CLEC17A: variants seen among roughly 807,000 people sequenced by gnomAD.
CLEC17A encodes the protein C-type lectin domain family 17, member A.
In CLEC17A, 37 loss-of-function variants were observed where a neutral mutation model predicts 61.3. That is an observed-to-expected ratio of 0.60 (90% CI 0.46 to 0.79). The LOEUF (loss-of-function observed/expected upper bound fraction) is 0.79. Ranked by LOEUF, CLEC17A falls within the 30% of genes least tolerant of loss-of-function variation. The probability of loss-of-function intolerance (pLI) is 0.00; values close to 1 mark genes in which losing one functional copy is unlikely to be tolerated. For synonymous variants in CLEC17A, 168 were observed against 164.9 expected, an observed-to-expected ratio of 1.02 and a Z score of -0.14; for missense variants, 418 against 464.7, an observed-to-expected ratio of 0.90 and a Z score of 0.92.
intron 3 of CLEC17A, chr19:14,588,351 G>C (rs1350270657): frequency 6.5e-6 from 1 of 152,694 alleles, no homozygotes; most frequent in East Asian, 1.9e-4. Flanking sequence ...ACAAGTAGAG[G>C]TTTGGACCGT....
intron 10 of CLEC17A, among the ~76,000 whole-genome samples, chr19:14,597,989 A>G (rs2074590275): frequency 6.6e-6 from 1 of 152,156 alleles, no homozygotes; most frequent in Admixed American, 6.6e-5. Flanking sequence ...ACACACGTTA[A>G]TTATAGAAGA....
intron 3 of CLEC17A, among the ~76,000 whole-genome samples, chr19:14,588,887 G>A (rs924604840): frequency 6.6e-6 from 1 of 151,956 alleles, no homozygotes; most frequent in African/African-American, 2.4e-5. Context: ...CAGAAATATG[G>A]TGGGACTTGC....
At chr19:14,608,146 A>G (rs899187074) in intron 13 of CLEC17A, among the ~76,000 whole-genome samples, 23 of 152,192 alleles carry the variant, frequency 1.5e-4, no homozygotes, top group Non-Finnish European at 7.3e-5. Context: ...TGCTGGGATG[A>G]CAGGCTTGAG....
At chr19:14,605,385 C>T (rs1377872894) in intron 12 of CLEC17A, among the ~76,000 whole-genome samples, 1 of 152,058 alleles carries the variant, frequency 6.6e-6, no homozygotes, top group Non-Finnish European at 1.5e-5. Context: ...CATGAGCCAC[C>T]GCGCCCGGCC....
chr19:14,586,925 GTCACTCAGGCTGGAGTGCAGTGGCATGA>G lies in CLEC17A; in HGVS notation c.122-686_122-659del, dbSNP rs538670682. Among the ~76,000 whole-genome samples the G allele has an allele frequency of 1.4e-3, 200 of 141,362 alleles. 4 individuals are homozygous for G. In the South Asian group the frequency reaches 0.043, roughly 31 times the overall value. The allele number at this position is 141,362 out of a possible 152,430, so 92.7% of individuals were successfully genotyped here. A position where few individuals can be genotyped will look rare whatever the true frequency, so the allele number is the denominator to read the frequency against. ...TTTTTTTGAGACAGAATCTCACTCT[GTCACTCAGGCTGGAGTGCAGTGGCATGA>G]TCTCAGCTCACTGCAACCTCCACCT... On this transcript the variant is annotated intron_variant, in intron 2 of 13. Transcript: ENST00000417570.
intron 8 of CLEC17A, among the ~76,000 whole-genome samples, chr19:14,595,966 A>G (rs1475555138): frequency 3.1e-5 from 1 of 31,970 alleles, no homozygotes; most frequent in Admixed American, 2.8e-4. Context: ...TATTGTTGAC[A>G]ATGACAATGT....
chr19:14,605,212 C>G (rs1032498580), intron 12 of CLEC17A, among the ~76,000 whole-genome samples: 10 of 152,102 alleles, frequency 6.6e-5, no homozygotes, highest in Admixed American at 5.9e-4. Flanking sequence ...ATTCTCCTCT[C>G]TCAGCCTCCC....
upstream of CLEC17A, among the ~76,000 whole-genome samples, chr19:14,581,871 T>G (rs1209142304): frequency 6.6e-6 from 1 of 151,944 alleles, no homozygotes; most frequent in Non-Finnish European, 1.5e-5. Flanking sequence ...AAGCTGGTCT[T>G]AAACTCCTGA....
At chr19:14,595,401 G>T in intron 8 of CLEC17A, 86 bp downstream of exon 8, 3 of 1,462,830 alleles carry the variant, frequency 2.1e-6, no homozygotes, top group South Asian at 1.1e-5. Flanking sequence ...TGAGTCAGAG[G>T]AACTTCTCCT....
intron 12 of CLEC17A, among the ~76,000 whole-genome samples, chr19:14,603,146 C>A (rs995029602): frequency 5.3e-5 from 8 of 152,176 alleles, no homozygotes; most frequent in Non-Finnish European, 1.2e-4. Context: ...TTAAATTACT[C>A]ATTTTAGTTT....
upstream of CLEC17A, among the ~76,000 whole-genome samples, chr19:14,581,581 C>G (rs1391381910): frequency 6.6e-6 from 1 of 152,062 alleles, no homozygotes; most frequent in East Asian, 1.9e-4. Flanking sequence ...ATCCACCTGT[C>G]TGAGCCTCCC....
intron 3 of CLEC17A, chr19:14,588,719 G>T (rs1299060449): frequency 6.6e-6 from 1 of 152,050 alleles, no homozygotes; most frequent in Non-Finnish European, 1.5e-5. Context: ...TGCCACCAGG[G>T]ACCCTGAGGC....
chr19:14,584,260 T>C (rs1426444217), intron 2 of CLEC17A: 2 of 152,050 alleles, frequency 1.3e-5, no homozygotes, highest in Admixed American at 6.6e-5. Flanking sequence ...ACCACCAGGT[T>C]GCCTAAGGTG....
At chr19:14,592,823 C>G (rs1271989939) in intron 4 of CLEC17A, among the ~76,000 whole-genome samples, 1 of 152,074 alleles carries the variant, frequency 6.6e-6, no homozygotes, top group East Asian at 1.9e-4. Context: ...TGCTACCATG[C>G]CTGGTTAACT....
intron 12 of CLEC17A, among the ~76,000 whole-genome samples, chr19:14,605,562 A>AC (rs2074840720): frequency 6.6e-6 from 1 of 152,070 alleles, no homozygotes; most frequent in Non-Finnish European, 1.5e-5. Context: ...TCTTTCCACC[A>AC]CCCTAGAAAG....
intron 12 of CLEC17A, 31 bp from the exon 13 acceptor site, chr19:14,606,962 A>G: frequency 8.5e-7 from 1 of 1,171,448 alleles, no homozygotes; most frequent in Non-Finnish European, 1.1e-6. Context: ...ATGTAGAGGA[A>G]TGGCTGGCTG....
chr19:14,607,875 CT>C (rs776904482), intron 13 of CLEC17A, among the ~76,000 whole-genome samples: 2 of 151,402 alleles, frequency 1.3e-5, no homozygotes, highest in Non-Finnish European at 2.9e-5. Context: ...TGCGCCCAAC[CT>C]TATTTTAGTT....
At chr19:14,595,972 A>C in intron 8 of CLEC17A, among the ~76,000 whole-genome samples, 1 of 120 alleles carries the variant, frequency 8.3e-3, no homozygotes. Context: ...TGACAATGAC[A>C]ATGTTGTTGG....
chr19:14,581,824 G>A (rs1055138436), upstream of CLEC17A, among the ~76,000 whole-genome samples: 2 of 151,698 alleles, frequency 1.3e-5, no homozygotes, highest in African/African-American at 2.4e-5. Context: ...GGCTAATTTT[G>A]TATTTTTAGT....
Sources: allele counts gnomAD v4.1 joint callset (sites outside exome capture counted in the v4.1 genomes callset), GRCh38; gene constraint gnomAD v4.1.1; transcripts MANE v1.5; gene names NCBI Gene and HGNC (gene_info 2026-07-23, HGNC 2026-07-21).